SLC25A43: variants seen among roughly 807,000 people sequenced by gnomAD.
SLC25A43 encodes solute carrier family 25 member 43.
A neutral mutation model predicts 22.8 loss-of-function variants in SLC25A43; 10 were observed. That is an observed-to-expected ratio of 0.44 (90% CI 0.27 to 0.74). SLC25A43 has a LOEUF of 0.74. Ranked by LOEUF, SLC25A43 falls within the 30% of genes least tolerant of loss-of-function variation. The pLI is 0.17. For synonymous variants in SLC25A43, 106 were observed against 121.6 expected, an observed-to-expected ratio of 0.87 and a Z score of 0.84; for missense variants, 233 against 279.1, an observed-to-expected ratio of 0.83 and a Z score of 1.18.
chrX:119,401,308 G>A (rs971113862), intron 1 of SLC25A43, among the ~76,000 whole-genome samples: 3 of 111,425 alleles, frequency 2.7e-5, no homozygotes, highest in Non-Finnish European at 5.6e-5. Context: ...CTGTGTGCAC[G>A]ATGCTGAGGA....
intron 1 of SLC25A43, among the ~76,000 whole-genome samples, chrX:119,401,743 T>A (rs1192822931): frequency 2.8e-5 from 3 of 107,577 alleles, no homozygotes; most frequent in Non-Finnish European, 3.8e-5. Flanking sequence ...TGGGGGGAGG[T>A]GTGTTGTGAT....
rs746370867 is a variant in SLC25A43 at position 119,406,530 on chromosome X, G to A, written c.346G>A (p.Ala116Thr). The A allele has an allele frequency of 3.3e-6, 4 of 1,211,031 alleles. No homozygotes were observed. The highest frequency in any genetic ancestry group is 3.0e-5 in the East Asian group (1 of 33,832). The change falls in exon 2 of 5, where the codon GCA becomes ACA. Residue 116 changes from alanine (A) to threonine (T), a missense_variant. By Grantham distance (58) the Ala-to-Thr change is moderately conservative. Coordinates refer to ENST00000217909, the MANE Select transcript of SLC25A43 (RefSeq NM_145305.3). ...QWSSIMAGSL[A>T]GMVSTIVTYP... ...GAGCTCCATCATGGCTGGGAGTCTC[G>A]CAGGCATGGTTTCCACCATTGTAAC...
intron 3 of SLC25A43, among the ~76,000 whole-genome samples, chrX:119,444,635 G>A (rs1222498490): frequency 2.8e-5 from 3 of 108,456 alleles, no homozygotes; most frequent in Admixed American, 9.9e-5. Context: ...CCCAGGAGGC[G>A]GAAGTTGCAG....
intron 3 of SLC25A43, among the ~76,000 whole-genome samples, chrX:119,450,044 C>T (rs2052695135): frequency 2.7e-5 from 3 of 111,614 alleles, no homozygotes; most frequent in African/African-American, 9.8e-5. Flanking sequence ...CTAGGTGTGT[C>T]GAGTTTTGAG....
chrX:119,444,789 C>T (rs2052652215), intron 3 of SLC25A43, among the ~76,000 whole-genome samples: 1 of 109,583 alleles, frequency 9.1e-6, no homozygotes, highest in South Asian at 3.9e-4. Context: ...AATCCCAGCA[C>T]TTTGGCAGGC....
At chrX:119,412,857 T>G (rs937586769) in intron 3 of SLC25A43, among the ~76,000 whole-genome samples, 3 of 111,884 alleles carry the variant, frequency 2.7e-5, no homozygotes, top group Admixed American at 9.6e-5. Flanking sequence ...GTATTTCTAA[T>G]TTTAAAAATA....
intron 3 of SLC25A43, among the ~76,000 whole-genome samples, chrX:119,424,454 C>T (rs1299620278): frequency 9.2e-6 from 1 of 108,885 alleles, no homozygotes; most frequent in Non-Finnish European, 1.9e-5. Context: ...CTATGTCTCT[C>T]CTTCCTCAGG....
intron 1 of SLC25A43, among the ~76,000 whole-genome samples, chrX:119,401,238 A>G (rs2052235214): frequency 2.7e-5 from 3 of 111,022 alleles, no homozygotes; most frequent in Non-Finnish European, 5.7e-5. Flanking sequence ...TTTCTGTTAC[A>G]TCATGCTGCC....
intron 3 of SLC25A43, among the ~76,000 whole-genome samples, chrX:119,448,110 T>G (rs1159973156): frequency 1.8e-5 from 2 of 111,646 alleles, no homozygotes; most frequent in Non-Finnish European, 3.8e-5. Flanking sequence ...CCAGAAACTT[T>G]AGAGCCATCC....
intron 1 of SLC25A43, among the ~76,000 whole-genome samples, chrX:119,402,811 C>T (rs748107488): frequency 9.0e-6 from 1 of 111,303 alleles, no homozygotes; most frequent in Non-Finnish European, 1.9e-5. Flanking sequence ...ACATCATTGG[C>T]GGATTATCAG....
chrX:119,425,317 G>A (rs1267973455), intron 3 of SLC25A43, among the ~76,000 whole-genome samples: 1 of 111,904 alleles, frequency 8.9e-6, no homozygotes, highest in Non-Finnish European at 1.9e-5. Flanking sequence ...CAGGATGGGA[G>A]AGTAAATTGT....
intron 3 of SLC25A43, among the ~76,000 whole-genome samples, chrX:119,442,991 C>T: frequency 9.0e-6 from 1 of 111,608 alleles, no homozygotes; most frequent in Non-Finnish European, 1.9e-5. Flanking sequence ...ACAGAGTTCA[C>T]AGAACACTAG....
chrX:119,428,849 G>A (rs1228870922), intron 3 of SLC25A43, among the ~76,000 whole-genome samples: 1 of 110,722 alleles, frequency 9.0e-6, no homozygotes, highest in Admixed American at 9.6e-5. Flanking sequence ...TGTGAGCTGT[G>A]CGTGCAAGGG....
chrX:119,413,801 C>T (rs769150860), intron 3 of SLC25A43, among the ~76,000 whole-genome samples: 11 of 111,013 alleles, frequency 9.9e-5, no homozygotes, highest in Admixed American at 1.9e-4. Context: ...AATAATATTC[C>T]ACCATATGGA....
intron 3 of SLC25A43, among the ~76,000 whole-genome samples, chrX:119,425,160 G>A (rs2052492377): frequency 8.9e-6 from 1 of 112,085 alleles, no homozygotes; most frequent in African/African-American, 3.2e-5. Flanking sequence ...GCTTTGACTT[G>A]AGAAGCCGTA....
chrX:119,448,880 G>A (rs1176292933), intron 3 of SLC25A43, among the ~76,000 whole-genome samples: 3 of 111,720 alleles, frequency 2.7e-5, no homozygotes, highest in Non-Finnish European at 5.6e-5. Flanking sequence ...CATATAGTAA[G>A]TATCAATAAA....
At chrX:119,405,354 G>C (rs1603293892) in intron 1 of SLC25A43, among the ~76,000 whole-genome samples, 1 of 109,390 alleles carries the variant, frequency 9.1e-6, no homozygotes, top group African/African-American at 3.4e-5. Flanking sequence ...TCACCTGAAT[G>C]CCCACTCTTA....
intron 3 of SLC25A43, among the ~76,000 whole-genome samples, chrX:119,431,844 GCAGAGGT>G (rs1381662588): frequency 1.8e-5 from 2 of 111,225 alleles, no homozygotes; most frequent in African/African-American, 6.5e-5. Context: ...GTGTGCCGCA[GCAGAGGT>G]CTAAACGAGA....
At chrX:119,410,931 C>G (rs926475706) in intron 3 of SLC25A43, among the ~76,000 whole-genome samples, 2 of 109,582 alleles carry the variant, frequency 1.8e-5, no homozygotes, top group African/African-American at 6.7e-5. Context: ...AAAAAAGAAG[C>G]CTCCAGATGA....
Sources: allele counts gnomAD v4.1 joint callset (sites outside exome capture counted in the v4.1 genomes callset), GRCh38; gene constraint gnomAD v4.1.1; transcripts MANE v1.5; gene names NCBI Gene and HGNC (gene_info 2026-07-23, HGNC 2026-07-21).